The following KLF12 variants were observed in gnomAD, a reference collection of about 807,000 sequenced individuals.
KLF12 encodes the protein Krueppel-like factor 12.
Under a neutral mutation model 37.8 loss-of-function variants are expected in KLF12, and 9 were observed. The observed-to-expected ratio is 0.24, with a 90% confidence interval of 0.14 to 0.42. KLF12 has a LOEUF of 0.42. Among genes scored for constraint, KLF12 ranks in the 10% least tolerant of loss-of-function variants. The pLI is 1.00. For synonymous variants in KLF12, 208 were observed against 202.1 expected (o/e 1.03, Z -0.25); for missense variants, 411 against 516.0 (o/e 0.80, Z 1.97).
intron 3 of KLF12, among the ~76,000 whole-genome samples, chr13:73,849,438 T>A (rs1471355871): frequency 6.6e-6 from 1 of 150,624 alleles, no homozygotes; most frequent in Non-Finnish European, 1.5e-5. Context: ...AATGTGTGGT[T>A]GTGCTGACAG....
chr13:74,027,446 TATATAATTGTTTTTAAA>T (rs2138461546), intron 1 of KLF12, among the ~76,000 whole-genome samples: 1 of 152,252 alleles, frequency 6.6e-6, no homozygotes, highest in African/African-American at 2.4e-5. Context: ...ATGAGTGGCA[TATATAATTGTTTTTAAA>T]ATACTAGGGT....
chr13:73,981,524 T>C (rs1247676674), intron 2 of KLF12, among the ~76,000 whole-genome samples: 5 of 152,128 alleles, frequency 3.3e-5, no homozygotes, highest in Non-Finnish European at 7.3e-5. Flanking sequence ...ATATAAACAG[T>C]ATGGTACTAT....
chr13:73,712,184 C>CA (rs1489681188), intron 7 of KLF12, among the ~76,000 whole-genome samples: 1 of 151,636 alleles, frequency 6.6e-6, no homozygotes, highest in East Asian at 1.9e-4. Context: ...ACTAAAAATA[C>CA]AAAACTAGCC....
chr13:73,918,042 G>A (rs566298804), intron 3 of KLF12, among the ~76,000 whole-genome samples: 55 of 151,268 alleles, frequency 3.6e-4, no homozygotes, highest in African/African-American at 1.1e-3. Context: ...ATATACACAC[G>A]TACACATATA....
At chr13:73,777,929 C>T (rs1016172310) in intron 5 of KLF12, among the ~76,000 whole-genome samples, 4 of 151,578 alleles carry the variant, frequency 2.6e-5, no homozygotes, top group African/African-American at 4.8e-5. Context: ...ATCAGGAGTT[C>T]GAGACCAGCC....
chr13:73,778,959 C>G (rs1880796245), intron 5 of KLF12, among the ~76,000 whole-genome samples: 1 of 152,162 alleles, frequency 6.6e-6, no homozygotes, highest in East Asian at 1.9e-4. Context: ...ATTTACCAAA[C>G]AGTGGTGCTG....
chr13:73,760,177 T>A (rs1002711734), intron 6 of KLF12, among the ~76,000 whole-genome samples: 5 of 152,116 alleles, frequency 3.3e-5, no homozygotes, highest in Non-Finnish European at 7.4e-5. Context: ...AGAGACCTCA[T>A]TAACACTGGA....
intron 6 of KLF12, among the ~76,000 whole-genome samples, chr13:73,740,414 C>T (rs1457438701): frequency 6.6e-6 from 1 of 152,192 alleles, no homozygotes; most frequent in East Asian, 1.9e-4. Context: ...CATTTTGTTA[C>T]AGTAGTTGAA....
intron 5 of KLF12, among the ~76,000 whole-genome samples, chr13:73,772,744 T>C (rs1260140980): frequency 6.6e-6 from 1 of 152,118 alleles, no homozygotes; most frequent in Non-Finnish European, 1.5e-5. Flanking sequence ...GTCGGATTTG[T>C]ATACCAGAAA....
chr13:74,298,338 T>C, the KLF12 span, among the ~76,000 whole-genome samples: 1 of 152,186 alleles, frequency 6.6e-6, no homozygotes, highest in Non-Finnish European at 1.5e-5. Flanking sequence ...AAGTAGACTG[T>C]GAAATTGGGC....
chr13:73,899,931 T>C (rs976428189), intron 3 of KLF12, among the ~76,000 whole-genome samples: 9 of 152,172 alleles, frequency 5.9e-5, no homozygotes, highest in Admixed American at 4.6e-4. Context: ...ATTCCCCTAA[T>C]AAAGTCTCCT....
the KLF12 span, among the ~76,000 whole-genome samples, chr13:74,226,389 A>G: frequency 1.3e-5 from 2 of 152,144 alleles, no homozygotes; most frequent in Non-Finnish European, 2.9e-5. Flanking sequence ...ATGAATCTTG[A>G]AAGACAGTAA....
chr13:74,287,220 G>T, the KLF12 span, among the ~76,000 whole-genome samples: 6 of 152,064 alleles, frequency 3.9e-5, no homozygotes, highest in Non-Finnish European at 5.9e-5. Context: ...CTTGCAGCCC[G>T]TCTGCTCATT....
At chr13:74,092,501 G>T (rs1234752307) in intron 1 of KLF12, among the ~76,000 whole-genome samples, 2 of 151,632 alleles carry the variant, frequency 1.3e-5, no homozygotes, top group African/African-American at 4.8e-5. Flanking sequence ...GCACTTGCCT[G>T]CAATCCCAAC....
At chr13:74,212,103 T>C in the KLF12 span, among the ~76,000 whole-genome samples, 1 of 152,166 alleles carries the variant, frequency 6.6e-6, no homozygotes, top group Non-Finnish European at 1.5e-5. Flanking sequence ...TTGGTATTAG[T>C]TTTATAAACT....
rs1370507611 is a variant in KLF12, at chr13:73,687,032, C to T, written c.*8458G>A. 1 of 152,474 alleles carries T rather than the reference C, an allele frequency of 6.6e-6. No individual in the cohort carries two copies. The highest frequency in any genetic ancestry group is 1.5e-5 in the Non-Finnish European group (1 of 68,014). 9.4% of individuals were successfully genotyped at this position (152,474 alleles called of 1,614,324 possible). ...ACCAAGAACAACGTCTAGACTACTACTAATTATAACTAAGTCATTTTAAGT... is the reference window on the plus strand; with the variant it reads ...ACCAAGAACAACGTCTAGACTACTATTAATTATAACTAAGTCATTTTAAGT... On this transcript the variant is annotated 3_prime_UTR_variant, in exon 8 of 8. Transcript: ENST00000377669.
intron 4 of KLF12, among the ~76,000 whole-genome samples, chr13:73,829,436 C>G (rs1488700751): frequency 6.6e-6 from 1 of 151,792 alleles, no homozygotes; most frequent in Non-Finnish European, 1.5e-5. Flanking sequence ...GGATAAAATT[C>G]AAGAGTTTTA....
chr13:73,809,515 T>A (rs556713902), intron 5 of KLF12, among the ~76,000 whole-genome samples: 30 of 68,860 alleles, frequency 4.4e-4, no homozygotes, highest in Non-Finnish European at 8.7e-4. Flanking sequence ...ACAGAATTTT[T>A]AAAATTTTTA....
At chr13:73,928,763 C>T (rs967330756) in intron 3 of KLF12, among the ~76,000 whole-genome samples, 8 of 152,170 alleles carry the variant, frequency 5.3e-5, no homozygotes, top group Non-Finnish European at 5.9e-5. Context: ...CAACGTTAAA[C>T]GTAGCTGATT....
Sources: allele counts gnomAD v4.1 joint callset (sites outside exome capture counted in the v4.1 genomes callset), GRCh38; gene constraint gnomAD v4.1.1; transcripts MANE v1.5; gene names NCBI Gene and HGNC (gene_info 2026-07-23, HGNC 2026-07-21).